Variants in EIF4G2 observed in about 807,000 individuals in gnomAD.
EIF4G2 encodes DAP-5.
Under a neutral mutation model 117.7 loss-of-function variants are expected in EIF4G2, and 8 were observed. The ratio of observed to expected loss-of-function variants is 0.07; its 90% CI spans 0.04 to 0.12. The LOEUF (loss-of-function observed/expected upper bound fraction) is 0.12, where lower values mean the gene tolerates loss of function less well. EIF4G2 is among the 10% of genes least tolerant of loss of function. The pLI is 1.00. For missense variants in EIF4G2, 812 were observed against 1,086.2 expected (o/e 0.75, Z 3.55); for synonymous variants, 413 against 367.8 (o/e 1.12, Z -1.41).
chr11:10,806,889 T>C lies in EIF4G2; in HGVS notation c.42-4A>G. The C allele has an allele frequency of 6.2e-7, 1 of 1,613,948 alleles. No homozygotes were observed. The highest frequency in any genetic ancestry group is 8.5e-7 in the Non-Finnish European group (1 of 1,180,010). The stretch of plus-strand genomic sequence containing the variant: ...TCCTCCTCCGCCCGAAGAAGCACTA[T>C]TTAAAAGAAAAAAATTGTTTACTGT... On this transcript the variant is annotated splice_region_variant and splice_polypyrimidine_tract_variant and intron_variant, in intron 2 of 21. Coordinates refer to ENST00000339995, the MANE Select transcript of EIF4G2 (RefSeq NM_001418.4).
intron 11 of EIF4G2, 97 bp downstream of exon 11, chr11:10,802,933 A>T (rs2135414057): frequency 9.9e-7 from 1 of 1,013,130 alleles, no homozygotes; most frequent in East Asian, 2.5e-5. Flanking sequence ...CTAAGATGAG[A>T]CAGACCCCTC....
chr11:10,801,820 C>T (rs1847426192), intron 13 of EIF4G2, 46 bp from the exon 14 acceptor site: 2 of 1,558,214 alleles, frequency 1.3e-6, no homozygotes, highest in Non-Finnish European at 1.8e-6. Flanking sequence ...AAGGGGTCCA[C>T]AAATTATGGT....
chr11:10,797,658 A>T lies in EIF4G2; in HGVS notation c.*158T>A. ...GACTATGATTAAGACATTACACTACAAAAAAACCTTATGCAGAAGGAAATC... is the reference window on the plus strand; with the variant it reads ...GACTATGATTAAGACATTACACTACTAAAAAACCTTATGCAGAAGGAAATC... On this transcript the variant is annotated 3_prime_UTR_variant, in exon 22 of 22. Coordinates refer to ENST00000339995, the MANE Select transcript of EIF4G2 (RefSeq NM_001418.4). This position sits in a 1 kb window ranked among gnomAD's most constrained non-coding sequence, Gnocchi z 4.5. 4.0e-6 allele frequency: 3 copies of T among 745,520 alleles called. No individual in the cohort carries two copies. Among genetic ancestry groups the T allele is most frequent in the Non-Finnish European group, 6.7e-6 (3 of 446,212 alleles). 46.2% of individuals were successfully genotyped at this position (745,520 alleles called of 1,614,324 possible). A position where few individuals can be genotyped will look rare whatever the true frequency, so the allele number is the denominator to read the frequency against.
rs779987229 is a variant in EIF4G2, at chr11:10,801,642, G to T, written c.1413+19C>A. 1 of 1,601,272 alleles carries T rather than the reference G, an allele frequency of 6.2e-7. No individual in the cohort carries two copies. The highest frequency in any genetic ancestry group is 8.6e-7 in the Non-Finnish European group (1 of 1,168,468). ...TGAATGGACAAACTATGGTATATAAGTAACATAGGCAAATGTACCTCATCT... is the reference window on the plus strand; with the variant it reads ...TGAATGGACAAACTATGGTATATAATTAACATAGGCAAATGTACCTCATCT... On this transcript the variant is annotated intron_variant, in intron 14 of 21. Transcript: ENST00000339995.
chr11:10,807,240 T>G lies in EIF4G2; in HGVS notation c.41+15A>C. The G allele has an allele frequency of 1.2e-6, 2 of 1,603,920 alleles. No homozygotes were observed. The highest frequency in any genetic ancestry group is 2.2e-5 in the South Asian group (2 of 89,216). On this transcript the variant is annotated intron_variant, in intron 2 of 21. Transcript: ENST00000339995. ...GCCTTTTCAAAAGGATTCCCCAAAA[T>G]AAATCTACAAGTACCTGAAACGAGA...
At chr11:10,798,848 A>C (rs1847338654) in intron 21 of EIF4G2, 144 bp downstream of exon 21, 1 of 950,356 alleles carries the variant, frequency 1.1e-6, no homozygotes, top group Non-Finnish European at 1.6e-6. Flanking sequence ...ATAGCTTCAA[A>C]TAGTGCAGAA....
chr11:10,798,098 T>C (rs193247134), intron 21 of EIF4G2, among the ~76,000 whole-genome samples: 86 of 152,294 alleles, frequency 5.6e-4, no homozygotes, highest in African/African-American at 1.9e-3. Flanking sequence ...GTGAATCTTG[T>C]TTATCATCAG....
chr11:10,798,570 G>C (rs181378758), intron 21 of EIF4G2, among the ~76,000 whole-genome samples: 4 of 151,990 alleles, frequency 2.6e-5, no homozygotes, highest in African/African-American at 9.7e-5. Flanking sequence ...ATTTTTTAGA[G>C]ACAGGGTTTC....
In EIF4G2 at chr11:10,797,612, C is replaced by T. The variant is rs1847293949; in HGVS notation, c.*204G>A. The stretch of plus-strand genomic sequence containing the variant: ...ATATACTATCTAAACATTAAAGATA[C>T]TCCTAAAATATTTGATGGTAGACTA... On this transcript the variant is annotated 3_prime_UTR_variant, in exon 22 of 22. Coordinates refer to ENST00000339995, the MANE Select transcript of EIF4G2 (RefSeq NM_001418.4). This position sits in a 1 kb window ranked among gnomAD's most constrained non-coding sequence, Gnocchi z 4.5. 1 of 580,980 alleles carries T rather than the reference C, an allele frequency of 1.7e-6. No individual in the cohort carries two copies. Among genetic ancestry groups the T allele is most frequent in the Non-Finnish European group, 3.1e-6 (1 of 327,518 alleles). 36.0% of individuals were successfully genotyped at this position (580,980 alleles called of 1,614,324 possible).
In EIF4G2 at chr11:10,800,452, T is replaced by A; in HGVS notation, c.1840A>T (p.Thr614Ser). 1.2e-6 allele frequency: 2 copies of A among 1,614,218 alleles called. No homozygotes were observed. The highest frequency in any genetic ancestry group is 2.2e-5 in the South Asian group (2 of 91,084). Residue 614 changes from threonine to serine, a missense_variant, in exon 17 of 22, where the codon ACA (threonine) becomes TCA (serine). This residue lies in a region of EIF4G2 where 571 missense variants were observed against 642.3 expected (regional missense o/e 0.89). Transcript: ENST00000339995. The stretch of plus-strand genomic sequence containing the variant: ...CCTACCTGCATGAAGTTGTCACTTG[T>A]GGCTATCCCTTCCTGTTTGAGTAAA...
Position 10,806,851 on chromosome 11 carries a change from G to C in EIF4G2, c.76C>G (p.Pro26Ala). 1 of 1,614,110 alleles carries C rather than the reference G, an allele frequency of 6.2e-7. No individual in the cohort carries two copies. ...CCAGCAGTCTTGGGATAGTGCTGAG[G>C]TGCACCCCTACTTCCTCCTCCGCCC... Residue 26 changes from proline (P) to alanine (A), a missense_variant, in exon 3 of 22, where the codon CCT becomes GCT. Around this residue, in one of 4 missense-constraint regions of EIF4G2, gnomAD observed 79 missense variants for 91.5 expected, o/e 0.86. Coordinates refer to ENST00000339995, the MANE Select transcript of EIF4G2 (RefSeq NM_001418.4).
At chr11:10,804,750 A>C (rs967939592) in intron 5 of EIF4G2, 163 bp downstream of exon 5, 1 of 641,596 alleles carries the variant, frequency 1.6e-6, no homozygotes, top group African/African-American at 1.8e-5. Flanking sequence ...TAATGCTACT[A>C]AAGTCAGTGG....
intron 11 of EIF4G2, 42 bp from the exon 12 acceptor site, chr11:10,802,477 C>A: frequency 6.7e-7 from 1 of 1,498,548 alleles, no homozygotes; most frequent in South Asian, 1.4e-5. Flanking sequence ...TCTCTGGACA[C>A]TATTTCACTT....
chr11:10,805,850 C>T, intron 4 of EIF4G2, 57 bp downstream of exon 4: 1 of 1,612,468 alleles, frequency 6.2e-7, no homozygotes. Context: ...AGCACACACA[C>T]CAAACACAGC....
intron 4 of EIF4G2, among the ~76,000 whole-genome samples, 164 bp downstream of exon 4, chr11:10,805,743 G>C (rs952405001): frequency 3.9e-5 from 6 of 152,094 alleles, no homozygotes; most frequent in Non-Finnish European, 7.4e-5. Flanking sequence ...GTGAGCCACA[G>C]TGCCTGGCCA....
chr11:10,803,664 T>C lies in EIF4G2; in HGVS notation c.703-74A>G. ...AGGCGTAGTACTTTCTTTCCCTTTA[T>C]GTTTGCACTGACTCATTCACAGTTC... On this transcript the variant is annotated intron_variant, in intron 8 of 21. Coordinates refer to ENST00000339995, the MANE Select transcript of EIF4G2 (RefSeq NM_001418.4). The surrounding 1 kb of genome is among the most constrained non-coding windows in gnomAD (Gnocchi z 4.0). The C allele has an allele frequency of 7.5e-7, 1 of 1,337,568 alleles. No individual in the cohort carries two copies. Among genetic ancestry groups the C allele is most frequent in the Non-Finnish European group, 1.1e-6 (1 of 942,710 alleles). The allele number at this position is 1,337,568 out of a possible 1,614,324, so 82.9% of individuals were successfully genotyped here. A position where few individuals can be genotyped will look rare whatever the true frequency, so the allele number is the denominator to read the frequency against.
rs758706024 is a variant in EIF4G2, at chr11:10,804,429, T to C, written c.352-11A>G. Reference sequence around the variant, plus strand: ...GGCTTTGTCCACAATCTACAGAAAATGTCATTGCTTAAACTAAATATGAAA... The same window carrying C: ...GGCTTTGTCCACAATCTACAGAAAACGTCATTGCTTAAACTAAATATGAAA... On this transcript the variant is annotated splice_polypyrimidine_tract_variant and intron_variant, in intron 5 of 21. Coordinates refer to ENST00000339995, the MANE Select transcript of EIF4G2 (RefSeq NM_001418.4). 7 of 1,566,456 alleles carry C rather than the reference T, an allele frequency of 4.5e-6. No individual in the cohort carries two copies. Among genetic ancestry groups the C allele is most frequent in the Admixed American group, 4.1e-5 (2 of 48,936 alleles).
intron 21 of EIF4G2, among the ~76,000 whole-genome samples, chr11:10,798,313 A>G (rs1380941042): frequency 1.3e-5 from 2 of 151,820 alleles, no homozygotes; most frequent in Non-Finnish European, 2.9e-5. Flanking sequence ...CCCTAGGGCT[A>G]CAAGTTCATT....
rs974386532 is a variant in EIF4G2 at position 10,806,115 on chromosome 11, T to C, written c.108-68A>G. 1.5e-5 allele frequency: 24 copies of C among 1,596,732 alleles called. No individual in the cohort carries two copies. The African/African-American group carries it at 3.0e-4, about 20-fold the overall frequency. On this transcript the variant is annotated intron_variant, in intron 3 of 21. Transcript: ENST00000339995. ...AAATGTTAAACATCATAAATTCTCT[T>C]ACATAGAAAAAAGTAATTTAGGCTT... is the stretch of plus-strand genomic sequence containing the variant.
Sources: gnomAD v4.1 joint callset for allele counts (sites outside exome capture counted in the v4.1 genomes callset) on GRCh38, gnomAD v4.1.1 for gene constraint, gnomAD v4.1.1 regional missense constraint, Gnocchi (gnomAD v3.1) non-coding constraint, MANE v1.5 for transcripts, NCBI Gene and HGNC (gene_info 2026-07-23, HGNC 2026-07-21) for gene names.